TBC1D16: variants seen among roughly 807,000 people sequenced by gnomAD.
The protein encoded by TBC1D16 is CTD-2529O21.1.
In TBC1D16, 58 loss-of-function variants were observed where a neutral mutation model predicts 74.7. That is an observed-to-expected ratio of 0.78 (90% CI 0.63 to 0.97). The LOEUF is 0.97. Among genes scored for constraint, TBC1D16 ranks in the 50% least tolerant of loss-of-function variants. The pLI is 0.00. For missense variants in TBC1D16, 1,014 were observed against 1,079.5 expected (o/e 0.94, Z 0.85); for synonymous variants, 493 against 474.7 (o/e 1.04, Z -0.50).
In TBC1D16 at chr17:79,950,743, A is replaced by G; in HGVS notation, c.1090-165T>C. 6.5e-7 allele frequency: 1 copy of G among 1,537,948 alleles called. No individual in the cohort carries two copies. The highest frequency in any genetic ancestry group is 8.7e-7 in the Non-Finnish European group (1 of 1,146,520). On this transcript the variant is annotated intron_variant, in intron 5 of 11. Transcript: ENST00000310924. The surrounding 1 kb of genome is among the most constrained non-coding windows in gnomAD (Gnocchi z 4.6). ...ATGGCGAGTGTAATTAGGCGCAATT[A>G]AAATGAAAATACCTTCATCTTAAAA... is the stretch of plus-strand genomic sequence containing the variant.
chr17:79,965,280 C>T (rs1050825524), intron 3 of TBC1D16, among the ~76,000 whole-genome samples: 1 of 152,024 alleles, frequency 6.6e-6, no homozygotes, highest in Non-Finnish European at 1.5e-5. Flanking sequence ...CAGGGTTTCA[C>T]CATGTTGGCC....
rs2034116824 is a variant in TBC1D16 at position 79,971,823 on chromosome 17, G to A, written c.780-19005C>T. On this transcript the variant is annotated intron_variant, in intron 3 of 11. Coordinates refer to ENST00000310924, the MANE Select transcript of TBC1D16 (RefSeq NM_019020.4). The surrounding 1 kb of genome is among the most constrained non-coding windows in gnomAD (Gnocchi z 4.6). ...GGTGTCAGACAGGAGCATCCCACGG[G>A]GTAGGGATGGGGGCTCTGGAAGGCT... Among the ~76,000 whole-genome samples the A allele has an allele frequency of 6.6e-6, 1 of 152,110 alleles. No individual in the cohort carries two copies. The highest frequency in any genetic ancestry group is 1.5e-5 in the Non-Finnish European group (1 of 68,020).
chr17:79,961,819 C>T lies in TBC1D16; in HGVS notation c.780-9001G>A, dbSNP rs924948470. Among the ~76,000 whole-genome samples the T allele has an allele frequency of 1.5e-4, 23 of 152,094 alleles. No individual in the cohort carries two copies. Among genetic ancestry groups the T allele is most frequent in the East Asian group, 1.9e-4 (1 of 5,196 alleles). ...CAGAGGTTGCAGTGAGCCAAGATCA[C>T]GAGACTGCGCTCCAGCCTAGGCAAG... On this transcript the variant is annotated intron_variant, in intron 3 of 11. Transcript: ENST00000310924. The surrounding 1 kb of genome is among the most constrained non-coding windows in gnomAD (Gnocchi z 4.8).
intron 3 of TBC1D16, among the ~76,000 whole-genome samples, chr17:79,969,899 G>A (rs543946917): frequency 2.6e-4 from 40 of 152,196 alleles, no homozygotes; most frequent in Admixed American, 2.4e-3. Context: ...CCGAGATCAC[G>A]CCATTGCACT....
In TBC1D16 at chr17:79,984,961, C is replaced by T. The variant is rs1038592220; in HGVS notation, c.779+25199G>A. On this transcript the variant is annotated intron_variant, in intron 3 of 11. Coordinates refer to ENST00000310924, the MANE Select transcript of TBC1D16 (RefSeq NM_019020.4). ...AGCTGGGGCTATGTTTTGGGGGCTG[C>T]GTTTTGGTGGTGACACAGCATTTCC... Among the ~76,000 whole-genome samples, 7 of 137,282 alleles carry T rather than the reference C, an allele frequency of 5.1e-5. 1 individual carries two copies. In the South Asian group the frequency reaches 1.0e-3, roughly 21 times the overall value. The allele number at this position is 137,282 out of a possible 152,430, so 90.1% of individuals were successfully genotyped here.
At chr17:79,945,428 C>A (rs2143531976) in intron 9 of TBC1D16, among the ~76,000 whole-genome samples, 1 of 152,308 alleles carries the variant, frequency 6.6e-6, no homozygotes, top group East Asian at 1.9e-4. Flanking sequence ...GGGGCTGTTT[C>A]CCACGTCCAC....
At chr17:79,966,268 A>G (rs1475122008) in intron 3 of TBC1D16, among the ~76,000 whole-genome samples, 1 of 152,036 alleles carries the variant, frequency 6.6e-6, no homozygotes, top group Non-Finnish European at 1.5e-5. Context: ...AGACCACCCT[A>G]ATCCAGAATG....
intron 3 of TBC1D16, among the ~76,000 whole-genome samples, chr17:79,955,060 C>G (rs1410890754): frequency 6.6e-6 from 1 of 152,164 alleles, no homozygotes; most frequent in Non-Finnish European, 1.5e-5. Context: ...GGGGCCACCA[C>G]ACACCTCCCC....
At chr17:79,991,863 G>A (rs1032717060) in intron 3 of TBC1D16, 2 of 136,168 alleles carry the variant, frequency 1.5e-5, no homozygotes, top group African/African-American at 5.3e-5. Flanking sequence ...AAGGGGCGGT[G>A]CCGCCATCTT....
At chr17:80,002,593 G>GATGATAAGACAAGGCCCC (rs2035531975) in intron 3 of TBC1D16, among the ~76,000 whole-genome samples, 1 of 152,252 alleles carries the variant, frequency 6.6e-6, no homozygotes, top group Non-Finnish European at 1.5e-5. Context: ...TGGACAGAGA[G>GATGATAAGACAAGGCCCC]TTTTTCGGGC....
At chr17:79,943,407 C>G (rs1292202575) in intron 10 of TBC1D16, among the ~76,000 whole-genome samples, 1 of 152,162 alleles carries the variant, frequency 6.6e-6, no homozygotes, top group East Asian at 1.9e-4. Context: ...GTTCCCAGGA[C>G]AGGCAGGGCG....
intron 3 of TBC1D16, among the ~76,000 whole-genome samples, chr17:79,977,787 C>T (rs2034392792): frequency 6.6e-6 from 1 of 152,274 alleles, no homozygotes; most frequent in African/African-American, 2.4e-5. Flanking sequence ...GCCAGCTTCC[C>T]GCTGACCACA....
Position 79,950,504 on chromosome 17 carries a change from G to C in TBC1D16, c.1164C>G (p.Pro388=), listed in dbSNP as rs763454162. 19 of 1,613,312 alleles carry C rather than the reference G, an allele frequency of 1.2e-5. No homozygotes were observed. Among genetic ancestry groups the C allele is most frequent in the Non-Finnish European group, 1.4e-5 (17 of 1,179,922 alleles). ...CGAGCCTCTTGTACATGCTCTCCTC[G>C]GGGTGCGTCTCGGAGGACGGCAGCT... ...RPKLPSSETH[P]EESMYKRLGV... The change falls in exon 6 of 12, where the codon CCC becomes CCG. Residue 388 remains proline, a synonymous_variant. Coordinates refer to ENST00000310924, the MANE Select transcript of TBC1D16 (RefSeq NM_019020.4). The surrounding 1 kb of genome is among the most constrained non-coding windows in gnomAD (Gnocchi z 4.6).
In TBC1D16 at chr17:80,000,480, C is replaced by T. The variant is rs532943619; in HGVS notation, c.779+9680G>A. 6.6e-6 allele frequency among the ~76,000 whole-genome samples: 1 copy of T among 152,346 alleles called. No homozygotes were observed. Among genetic ancestry groups the T allele is most frequent in the South Asian group, 2.1e-4 (1 of 4,832 alleles). ...TCAAACCGGAAGAGACCAGGAAGGACCCTCCCCTAGACCTTCCAGAGGGAG... is the reference window on the plus strand; with the variant it reads ...TCAAACCGGAAGAGACCAGGAAGGATCCTCCCCTAGACCTTCCAGAGGGAG... On this transcript the variant is annotated intron_variant, in intron 3 of 11. Coordinates refer to ENST00000310924, the MANE Select transcript of TBC1D16 (RefSeq NM_019020.4). The surrounding 1 kb of genome is among the most constrained non-coding windows in gnomAD (Gnocchi z 4.1).
intron 9 of TBC1D16, 144 bp downstream of exon 9, chr17:79,947,501 C>T (rs982133082): frequency 2.9e-5 from 25 of 874,940 alleles, no homozygotes; most frequent in Admixed American, 1.5e-4. Context: ...CCATATCCCA[C>T]GGGCAAGTCC....
chr17:79,946,934 C>CAGG (rs888328105), intron 9 of TBC1D16, among the ~76,000 whole-genome samples: 15 of 152,358 alleles, frequency 9.8e-5, no homozygotes, highest in African/African-American at 3.6e-4. Flanking sequence ...CTGGCCCAGC[C>CAGG]AGGAGGGTGA....
intron 1 of TBC1D16, among the ~76,000 whole-genome samples, chr17:80,033,736 T>C (rs1225988059): frequency 6.6e-6 from 1 of 152,204 alleles, no homozygotes; most frequent in Admixed American, 6.5e-5. Flanking sequence ...CCCAAAACTG[T>C]GGACAGAGAC....
At position 80,009,828 on chromosome 17, in the gene TBC1D16, G is replaced by A. The variant is rs2035809016; in HGVS notation, c.779+332C>T. ...GCCCCTCCGGTGATGGGAACAGAAG[G>A]GACCAGGACTCCCGGGGGCTTAGCC... On this transcript the variant is annotated intron_variant, in intron 3 of 11. Transcript: ENST00000310924. The surrounding 1 kb of genome is among the most constrained non-coding windows in gnomAD (Gnocchi z 5.4). Among the ~76,000 whole-genome samples the A allele has an allele frequency of 6.6e-6, 1 of 152,102 alleles. No homozygotes were observed. The highest frequency in any genetic ancestry group is 2.4e-5 in the African/African-American group (1 of 41,422).
chr17:79,988,211 TG>T lies in TBC1D16; in HGVS notation c.779+21948del, dbSNP rs1424783732. Among the ~76,000 whole-genome samples the T allele has an allele frequency of 6.6e-6, 1 of 152,214 alleles. No individual in the cohort carries two copies. The highest frequency in any genetic ancestry group is 6.5e-5 in the Admixed American group (1 of 15,284). On this transcript the variant is annotated intron_variant, in intron 3 of 11. Coordinates refer to ENST00000310924, the MANE Select transcript of TBC1D16 (RefSeq NM_019020.4). The surrounding 1 kb of genome is among the most constrained non-coding windows in gnomAD (Gnocchi z 5.7). The stretch of plus-strand genomic sequence containing the variant: ...GACGCCTACCTGGGAGGTGCTTGCC[TG>T]GCCACCAGCCAGGGCCGTGGCTCCT...
Sources: gnomAD v4.1 joint callset for allele counts (sites outside exome capture counted in the v4.1 genomes callset) on GRCh38, gnomAD v4.1.1 for gene constraint, Gnocchi (gnomAD v3.1) non-coding constraint, MANE v1.5 for transcripts, NCBI Gene and HGNC (gene_info 2026-07-23, HGNC 2026-07-21) for gene names.